ACACA: variants seen among roughly 807,000 people sequenced by gnomAD.
ACACA encodes the protein acetyl-CoA carboxylase 1.
A neutral mutation model predicts 296.1 loss-of-function variants in ACACA; 103 were observed. The ratio of observed to expected loss-of-function variants is 0.35; its 90% CI spans 0.30 to 0.41. The LOEUF (loss-of-function observed/expected upper bound fraction) is 0.41. Among genes scored for constraint, ACACA ranks in the 10% least tolerant of loss-of-function variants. The probability of loss-of-function intolerance (pLI) is 1.00; values close to 1 mark genes in which losing one functional copy is unlikely to be tolerated. For synonymous variants in ACACA, 953 were observed against 1,038.6 expected, an observed-to-expected ratio of 0.92 and a Z score of 1.58; for missense variants, 1,554 against 2,989.7, an observed-to-expected ratio of 0.52 and a Z score of 11.20.
At chr17:37,173,995 TATATATATATATATA>T (rs2076988454) in intron 41 of ACACA, among the ~76,000 whole-genome samples, 3 of 9,324 alleles carry the variant, frequency 3.2e-4, no homozygotes, top group African/African-American at 1.8e-3. Flanking sequence ...TATATATATA[TATATATATATATATA>T]TATATATATA....
At chr17:37,095,006 A>T (rs2072899112) in intron 54 of ACACA, among the ~76,000 whole-genome samples, 1 of 151,960 alleles carries the variant, frequency 6.6e-6, no homozygotes, top group South Asian at 2.1e-4. Flanking sequence ...GACGGCAGTG[A>T]CCTATTTCTT....
At chr17:37,333,635 T>C (rs1200020826) in intron 2 of ACACA, among the ~76,000 whole-genome samples, 2 of 151,770 alleles carry the variant, frequency 1.3e-5, no homozygotes, top group African/African-American at 4.8e-5. Context: ...AACCCTTCAC[T>C]TAGGTATTGA....
intron 31 of ACACA, 60 bp from the exon 32 acceptor site, chr17:37,206,939 C>T: frequency 7.4e-7 from 1 of 1,354,416 alleles, no homozygotes; most frequent in Non-Finnish European, 1.1e-6. Context: ...ACTAACACTG[C>T]CATTGGCAGC....
chr17:37,240,552 G>A lies in ACACA; in HGVS notation c.3045C>T (p.Gly1015=), dbSNP rs1247300453. The part of the protein sequence containing the change: ...IVQLVQRYRS[G]IRGHMKAVVM... ...CCACAGCCTTCATGTGGCCTCGGAT[G>A]CCACTTCGGTACCTAGGCAAATAGA... Residue 1015 remains glycine (G), a synonymous_variant, in exon 24 of 56, where the codon GGC becomes GGT. Coordinates refer to ENST00000616317, the MANE Select transcript of ACACA (RefSeq NM_198834.3). 6.2e-7 allele frequency: 1 copy of A among 1,612,678 alleles called. No homozygotes were observed. Among genetic ancestry groups the A allele is most frequent in the Non-Finnish European group, 8.5e-7 (1 of 1,179,824 alleles).
At chr17:37,359,022 C>T (rs769657428) in intron 1 of ACACA, 42 of 985,820 alleles carry the variant, frequency 4.3e-5, no homozygotes, top group Non-Finnish European at 5.1e-5. Flanking sequence ...CGTGTGCGGT[C>T]GGGCGATTCC....
chr17:37,390,140 GTATATATATATATATATATA>G (rs1243535532), intron 1 of ACACA, among the ~76,000 whole-genome samples: 13 of 34,630 alleles, frequency 3.8e-4, no homozygotes, highest in Admixed American at 2.9e-3. Flanking sequence ...AAAAAAAAAA[GTATATATATATATATATATA>G]TATATATATA....
At chr17:37,201,104 C>A (rs1032105994) in intron 33 of ACACA, among the ~76,000 whole-genome samples, 2 of 152,106 alleles carry the variant, frequency 1.3e-5, no homozygotes, top group African/African-American at 4.8e-5. Context: ...AATTTAGGAA[C>A]TATTCATATC....
At chr17:37,389,633 G>T (rs905125555) in intron 1 of ACACA, among the ~76,000 whole-genome samples, 4 of 151,970 alleles carry the variant, frequency 2.6e-5, no homozygotes, top group African/African-American at 9.7e-5. Flanking sequence ...GTTGCAGTGA[G>T]CCGAGATTGT....
chr17:37,402,730 C>T (rs1422992348), intron 1 of ACACA, among the ~76,000 whole-genome samples: 1 of 151,884 alleles, frequency 6.6e-6, no homozygotes, highest in African/African-American at 2.4e-5. Flanking sequence ...TGGAGTACAG[C>T]GGCACGATCT....
intron 41 of ACACA, among the ~76,000 whole-genome samples, chr17:37,173,998 ATATATATATATATATATATATATTTTTT>A (rs1444749526): frequency 2.4e-4 from 2 of 8,326 alleles, no homozygotes. Flanking sequence ...ATATATATAT[ATATATATATATATATATATATATTTTTT>A]TTTTTTTTTT....
chr17:37,138,603 C>T (rs919999036), intron 45 of ACACA, among the ~76,000 whole-genome samples: 1 of 152,206 alleles, frequency 6.6e-6, no homozygotes, highest in Non-Finnish European at 1.5e-5. Flanking sequence ...GTCACCTTCA[C>T]ATTAAAGCCC....
intron 35 of ACACA, among the ~76,000 whole-genome samples, chr17:37,195,700 G>T (rs374408833): frequency 6.6e-6 from 1 of 152,098 alleles, no homozygotes; most frequent in South Asian, 2.1e-4. Context: ...ATCTCTTTTG[G>T]CACTCAAAAA....
intron 45 of ACACA, among the ~76,000 whole-genome samples, chr17:37,132,375 G>GT (rs1250979620): frequency 6.6e-6 from 1 of 152,156 alleles, no homozygotes; most frequent in Non-Finnish European, 1.5e-5. Flanking sequence ...CGGGAGCCTG[G>GT]TAGAGGCAGA....
intron 1 of ACACA, among the ~76,000 whole-genome samples, chr17:37,369,849 G>C (rs1000007726): frequency 6.6e-6 from 1 of 151,512 alleles, no homozygotes; most frequent in Non-Finnish European, 1.5e-5. Flanking sequence ...GAGATTACAG[G>C]TGCGTACCAC....
chr17:37,169,984 T>C (rs979147335), intron 41 of ACACA, among the ~76,000 whole-genome samples: 1 of 152,220 alleles, frequency 6.6e-6, no homozygotes, highest in African/African-American at 2.4e-5. Context: ...CTCTGATCAC[T>C]GCCTCTCTCA....
At chr17:37,289,913 T>C (rs886675263) in intron 3 of ACACA, among the ~76,000 whole-genome samples, 24 of 152,324 alleles carry the variant, frequency 1.6e-4, no homozygotes, top group African/African-American at 5.3e-4. Context: ...GCTTAACACA[T>C]CTGTTTTCCC....
chr17:37,271,459 G>A (rs2082066186), intron 9 of ACACA, among the ~76,000 whole-genome samples: 3 of 152,080 alleles, frequency 2.0e-5, no homozygotes, highest in African/African-American at 7.2e-5. Context: ...AGGTTGCAGT[G>A]AGCCAAGATC....
chr17:37,173,607 T>A (rs1400821788), intron 41 of ACACA, among the ~76,000 whole-genome samples: 3 of 152,088 alleles, frequency 2.0e-5, no homozygotes, highest in Admixed American at 1.3e-4. Context: ...TATTTTTTTA[T>A]ATGTTTAAAA....
At position 37,318,271 on chromosome 17, in the gene ACACA, T is replaced by G. The variant is rs1207360377; in HGVS notation, c.338+11902A>C. 3.9e-5 allele frequency among the ~76,000 whole-genome samples: 6 copies of G among 152,190 alleles called. No individual in the cohort carries two copies. In the South Asian group the frequency reaches 6.2e-4, roughly 16 times the overall value. ...TTCTGTTTTTGAGATGGAGTCTTGC[T>G]CTGTTGCTCAGGCTGGAGTGCAGTG... On this transcript the variant is annotated intron_variant, in intron 3 of 55. Coordinates refer to ENST00000616317, the MANE Select transcript of ACACA (RefSeq NM_198834.3).
Sources: gnomAD v4.1 joint callset for allele counts (sites outside exome capture counted in the v4.1 genomes callset) on GRCh38, gnomAD v4.1.1 for gene constraint, MANE v1.5 for transcripts, NCBI Gene and HGNC (gene_info 2026-07-23, HGNC 2026-07-21) for gene names.